Variants in MNAT1 observed in about 807,000 individuals in gnomAD.
MNAT1 encodes MNAT1 component of CDK activating kinase, also known as CDK-activating kinase assembly factor MAT1.
Under a neutral mutation model 42.0 loss-of-function variants are expected in MNAT1, and 43 were observed. The ratio of observed to expected loss-of-function variants is 1.02; its 90% confidence interval spans 0.80 to 1.32. The LOEUF is 1.32. Among genes scored for constraint, MNAT1 ranks in the 40% most tolerant of loss-of-function variants. MNAT1 has a pLI of 0.00. For missense variants in MNAT1, 306 were observed against 350.4 expected, an observed-to-expected ratio of 0.87 and a Z score of 1.01; for synonymous variants, 118 against 120.0, an observed-to-expected ratio of 0.98 and a Z score of 0.11.
chr14:60,742,804 T>C (rs762252624), intron 1 of MNAT1, among the ~76,000 whole-genome samples: 3 of 152,242 alleles, frequency 2.0e-5, no homozygotes, highest in Non-Finnish European at 4.4e-5. Flanking sequence ...TCTAGGTTCA[T>C]CCATGTTGTA....
At chr14:60,928,014 T>G (rs1424840176) in intron 7 of MNAT1, among the ~76,000 whole-genome samples, 1 of 152,128 alleles carries the variant, frequency 6.6e-6, no homozygotes, top group African/African-American at 2.4e-5. Flanking sequence ...ATCCATCATG[T>G]TAGTTTATAG....
intron 1 of MNAT1, among the ~76,000 whole-genome samples, chr14:60,764,195 T>A (rs1273131337): frequency 6.6e-6 from 1 of 152,232 alleles, no homozygotes; most frequent in African/African-American, 2.4e-5. Flanking sequence ...GTTAAACTAC[T>A]TATATATGTA....
At chr14:60,845,643 A>G (rs1460041334) in intron 6 of MNAT1, among the ~76,000 whole-genome samples, 4 of 152,120 alleles carry the variant, frequency 2.6e-5, no homozygotes, top group African/African-American at 7.2e-5. Flanking sequence ...AGAATAGTTT[A>G]TCACCTGCAG....
rs942279366 is a variant in MNAT1 at position 60,969,520 on chromosome 14, C to G, written c.*1171C>G. 6.6e-6 allele frequency: 1 copy of G among 151,990 alleles called. No individual in the cohort carries two copies. The highest frequency in any genetic ancestry group is 1.5e-5 in the Non-Finnish European group (1 of 67,964). 9.4% of individuals were successfully genotyped at this position (151,990 alleles called of 1,614,324 possible). On this transcript the variant is annotated 3_prime_UTR_variant, in exon 8 of 8. Transcript: ENST00000261245. ...CTTCTATCTTTGTTAAATGAGAAAA[C>G]CAAGGCATCAAATAATTGAGTAGAC... is the stretch of plus-strand genomic sequence containing the variant.
rs995793156 is a variant in MNAT1 at position 60,944,556 on chromosome 14, A to G, written c.810-23673A>G. ...TGAGTGTGTGGTATTTTGTTATAGCAGTTGAAGTAGACAAATAGACTATTA... is the reference window on the plus strand; with the variant it reads ...TGAGTGTGTGGTATTTTGTTATAGCGGTTGAAGTAGACAAATAGACTATTA... On this transcript the variant is annotated intron_variant, in intron 7 of 7. Transcript: ENST00000261245. 2.6e-5 allele frequency among the ~76,000 whole-genome samples: 4 copies of G among 152,240 alleles called. 1 individual carries two copies. In the South Asian group the frequency reaches 8.3e-4, roughly 31 times the overall value.
In MNAT1 at chr14:60,798,124, G is replaced by C. The variant is rs1413220466; in HGVS notation, c.280G>C (p.Glu94Gln). 2 of 1,525,796 alleles carry C rather than the reference G, an allele frequency of 1.3e-6. No individual in the cohort carries two copies. Among genetic ancestry groups the C allele is most frequent in the African/African-American group, 2.7e-5 (2 of 73,060 alleles). 94.5% of individuals were successfully genotyped at this position (1,525,796 alleles called of 1,614,324 possible). The change falls in exon 3 of 8, where the codon GAA (glutamate) becomes CAA (glutamine). Residue 94 changes from glutamate to glutamine, a missense_variant. This residue lies in a region of MNAT1 where 72 missense variants were observed against 111.0 expected (regional missense o/e 0.65). Coordinates refer to ENST00000261245, the MANE Select transcript of MNAT1 (RefSeq NM_002431.4). ...KREEDFPSLREYNDFLEEVEE... is the reference protein window; with the variant it reads ...KREEDFPSLRQYNDFLEEVEE... ...GGAAGAAGATTTTCCTAGTCTAAGA[G>C]AATACAATGATTTCTTGGAAGAAGT...
At chr14:60,916,599 G>A (rs1001106448) in intron 7 of MNAT1, among the ~76,000 whole-genome samples, 2 of 152,116 alleles carry the variant, frequency 1.3e-5, no homozygotes, top group African/African-American at 2.4e-5. Context: ...AGGCTGCAGT[G>A]AGCCAAGATC....
chr14:60,780,460 G>C, intron 1 of MNAT1: 1 of 1,535,696 alleles, frequency 6.5e-7, no homozygotes, highest in South Asian at 1.1e-5. Context: ...ACAAAGATTT[G>C]GTTGTACCTG....
intron 1 of MNAT1, among the ~76,000 whole-genome samples, chr14:60,772,149 A>G (rs999873444): frequency 1.4e-4 from 22 of 152,184 alleles, no homozygotes; most frequent in African/African-American, 4.3e-4. Flanking sequence ...GATCAAAACC[A>G]TACTCAGGAG....
intron 1 of MNAT1, among the ~76,000 whole-genome samples, chr14:60,785,372 A>G (rs1431112460): frequency 6.6e-6 from 1 of 152,206 alleles, no homozygotes; most frequent in African/African-American, 2.4e-5. Context: ...AATCTGGGGA[A>G]CGGGTCTCAA....
intron 2 of MNAT1, among the ~76,000 whole-genome samples, chr14:60,796,973 G>T (rs969009664): frequency 6.6e-6 from 1 of 151,746 alleles, no homozygotes; most frequent in Non-Finnish European, 1.5e-5. Flanking sequence ...ACACACATGG[G>T]CATAGTAAAT....
chr14:60,799,159 G>A (rs545542464), intron 3 of MNAT1: 1 of 777,816 alleles, frequency 1.3e-6, no homozygotes, highest in South Asian at 5.9e-5. Context: ...AAAAGCATGT[G>A]GAAAACATAA....
At chr14:60,813,551 G>A (rs114396860) in intron 5 of MNAT1, among the ~76,000 whole-genome samples, 1,985 of 152,260 alleles carry the variant, frequency 0.013, 44 homozygotes, top group African/African-American at 0.046. Flanking sequence ...GCACAGCACT[G>A]ATTCCACCAT....
At chr14:60,949,248 G>A (rs965111848) in intron 7 of MNAT1, among the ~76,000 whole-genome samples, 1 of 152,020 alleles carries the variant, frequency 6.6e-6, no homozygotes, top group Admixed American at 6.6e-5. Context: ...TAATTGTAGC[G>A]GGTTCTCTCC....
chr14:60,955,427 C>T (rs200626507), intron 7 of MNAT1, among the ~76,000 whole-genome samples: 7 of 151,844 alleles, frequency 4.6e-5, no homozygotes, highest in East Asian at 3.9e-4. Flanking sequence ...TTTGGGAGGC[C>T]GAGACAGGTG....
At position 60,968,514 on chromosome 14, in the gene MNAT1, G is replaced by A; in HGVS notation, c.*165G>A. ...TTTCAGAACTAAGTTGAGTAATATAGGGGATATATATTTGTGAAAAATAAT... is the reference window on the plus strand; with the variant it reads ...TTTCAGAACTAAGTTGAGTAATATAAGGGATATATATTTGTGAAAAATAAT... On this transcript the variant is annotated 3_prime_UTR_variant, in exon 8 of 8. Coordinates refer to ENST00000261245, the MANE Select transcript of MNAT1 (RefSeq NM_002431.4). 1.4e-6 allele frequency: 2 copies of A among 1,471,476 alleles called. No individual in the cohort carries two copies. The highest frequency in any genetic ancestry group is 1.8e-6 in the Non-Finnish European group (2 of 1,105,834). 91.2% of individuals were successfully genotyped at this position (1,471,476 alleles called of 1,614,324 possible).
chr14:60,768,702 C>T (rs557687184), intron 1 of MNAT1, among the ~76,000 whole-genome samples: 1 of 152,186 alleles, frequency 6.6e-6, no homozygotes, highest in East Asian at 1.9e-4. Context: ...TGTAAATATC[C>T]ACTTTTTATG....
chr14:60,851,269 T>C (rs1338567050), intron 6 of MNAT1, among the ~76,000 whole-genome samples: 3 of 152,222 alleles, frequency 2.0e-5, no homozygotes, highest in East Asian at 1.9e-4. Context: ...TAAGTACTTA[T>C]GAATTTGTAC....
intron 1 of MNAT1, among the ~76,000 whole-genome samples, chr14:60,736,677 T>C (rs1896317483): frequency 6.6e-6 from 1 of 152,184 alleles, no homozygotes; most frequent in Non-Finnish European, 1.5e-5. Context: ...GCCTGTCTGA[T>C]TTCACATTCT....
Sources: gnomAD v4.1 joint callset for allele counts (sites outside exome capture counted in the v4.1 genomes callset) on GRCh38, gnomAD v4.1.1 for gene constraint, gnomAD v4.1.1 regional missense constraint, MANE v1.5 for transcripts, NCBI Gene and HGNC (gene_info 2026-07-23, HGNC 2026-07-21) for gene names.